The following SBF2 variants were observed in gnomAD, a reference collection of about 807,000 sequenced individuals.
The protein encoded by SBF2 is myotubularin-related protein 13.
In SBF2, 112 loss-of-function variants were observed where a neutral mutation model predicts 225.2. The ratio of observed to expected loss-of-function variants is 0.50; its 90% confidence interval spans 0.43 to 0.58. SBF2 has a LOEUF of 0.58. Ranked by LOEUF, SBF2 falls within the 20% of genes least tolerant of loss-of-function variation. The pLI is 0.00. For synonymous variants in SBF2, 763 were observed against 773.3 expected (o/e 0.99, Z 0.22); for missense variants, 1,996 against 2,206.2 (o/e 0.90, Z 1.91).
intron 16 of SBF2, among the ~76,000 whole-genome samples, chr11:9,907,214 T>C (rs1023199933): frequency 3.9e-5 from 6 of 152,172 alleles, no homozygotes; most frequent in Admixed American, 6.5e-5. Flanking sequence ...CTGACCATTA[T>C]AGAATAATGA....
rs532749955 is a variant in SBF2, at chr11:10,218,303, T to C, written c.56-24316A>G. 2.3e-3 allele frequency among the ~76,000 whole-genome samples: 338 copies of C among 144,246 alleles called. 3 individuals carry two copies. The highest frequency in any genetic ancestry group is 8.5e-3 in the African/African-American group (329 of 38,540). The allele number at this position is 144,246 out of a possible 152,430, so 94.6% of individuals were successfully genotyped here. Reference sequence around the variant, plus strand: ...ACAGACTTATCCACTATCACATGAATAGCACAGGAAAGACCCACCCCCCCC... The same window carrying C: ...ACAGACTTATCCACTATCACATGAACAGCACAGGAAAGACCCACCCCCCCC... On this transcript the variant is annotated intron_variant, in intron 1 of 39. Transcript: ENST00000256190.
chr11:9,874,008 G>A (rs1213975088), intron 17 of SBF2, among the ~76,000 whole-genome samples: 3 of 151,964 alleles, frequency 2.0e-5, no homozygotes, highest in Non-Finnish European at 2.9e-5. Flanking sequence ...GCAGTGAGCC[G>A]AGATTGAGCC....
intron 2 of SBF2, among the ~76,000 whole-genome samples, chr11:10,072,758 G>T (rs1170732453): frequency 1.4e-5 from 2 of 144,450 alleles, no homozygotes; most frequent in Admixed American, 7.1e-5. Flanking sequence ...TGGAGACAGG[G>T]TCTCATTCTG....
chr11:9,809,003 C>CT lies in SBF2; in HGVS notation c.4156-2dup, dbSNP rs1415571709. 6.2e-7 allele frequency: 1 copy of CT among 1,610,576 alleles called. No individual in the cohort carries two copies. The highest frequency in any genetic ancestry group is 1.3e-5 in the African/African-American group (1 of 74,834). On this transcript the variant is annotated splice_acceptor_variant, in intron 30 of 39. Coordinates refer to ENST00000256190, the MANE Select transcript of SBF2 (RefSeq NM_030962.4). LOFTEE classifies it high-confidence loss of function. ...CAGCCAGCTGCATTATCCTGTGAAG[C>CT]TAAGAGACAGGAAGGAGAACACAAT...
chr11:9,904,036 C>G (rs961764680), intron 16 of SBF2, among the ~76,000 whole-genome samples: 3 of 152,092 alleles, frequency 2.0e-5, no homozygotes, highest in African/African-American at 7.2e-5. Context: ...CCAACTATCA[C>G]CTGACATTCC....
chr11:10,212,001 A>G (rs746071509), intron 1 of SBF2, among the ~76,000 whole-genome samples: 1 of 152,232 alleles, frequency 6.6e-6, no homozygotes, highest in Non-Finnish European at 1.5e-5. Flanking sequence ...CTGCATAGGT[A>G]AAACCAGAGT....
At chr11:9,821,401 C>T (rs1175392361) in intron 28 of SBF2, among the ~76,000 whole-genome samples, 1 of 152,128 alleles carries the variant, frequency 6.6e-6, no homozygotes, top group Non-Finnish European at 1.5e-5. Flanking sequence ...TGAAAAACTG[C>T]CAAGTTTTGG....
chr11:10,131,835 T>C (rs1424590998), intron 2 of SBF2, among the ~76,000 whole-genome samples: 1 of 152,226 alleles, frequency 6.6e-6, no homozygotes, highest in Non-Finnish European at 1.5e-5. Flanking sequence ...TTACAGGGTA[T>C]TTAGCACAGC....
intron 2 of SBF2, among the ~76,000 whole-genome samples, chr11:10,072,682 A>G (rs1590891300): frequency 6.6e-6 from 1 of 150,728 alleles, no homozygotes; most frequent in East Asian, 1.9e-4. Flanking sequence ...TAATGGCTGC[A>G]TTACTATGTT....
At chr11:9,909,428 T>G (rs888869978) in intron 16 of SBF2, among the ~76,000 whole-genome samples, 2 of 151,958 alleles carry the variant, frequency 1.3e-5, no homozygotes, top group African/African-American at 4.8e-5. Context: ...TCCCAGCACT[T>G]TGGGAGGCCG....
At chr11:9,969,671 C>T (rs190882508) in intron 13 of SBF2, among the ~76,000 whole-genome samples, 10 of 152,312 alleles carry the variant, frequency 6.6e-5, no homozygotes, top group Admixed American at 6.5e-4. Context: ...CCACCTTTCC[C>T]AATCACCTTA....
intron 13 of SBF2, among the ~76,000 whole-genome samples, chr11:9,979,342 A>G (rs1946841058): frequency 6.6e-6 from 1 of 152,292 alleles, no homozygotes; most frequent in South Asian, 2.1e-4. Flanking sequence ...TGCATCATCA[A>G]CTGAGCATGG....
Position 9,816,842 on chromosome 11 carries a change from T to G in SBF2, c.3976A>C (p.Arg1326=), listed in dbSNP as rs928249984. 1 of 1,613,950 alleles carries G rather than the reference T, an allele frequency of 6.2e-7. No homozygotes were observed. The highest frequency in any genetic ancestry group is 8.5e-7 in the Non-Finnish European group (1 of 1,179,958). The change falls in exon 29 of 40, where the codon AGG becomes CGG. Residue 1326 remains arginine, a splice_region_variant and synonymous_variant. Transcript: ENST00000256190. ...LYIFGEKSQL[R]NFKVEFALNC... ...AAGTGAGAAAAAAGAAATCTTACCCTTAGTTGCGACTTTTCACCAAATATG... is the reference window on the plus strand; with the variant it reads ...AAGTGAGAAAAAAGAAATCTTACCCGTAGTTGCGACTTTTCACCAAATATG...
At chr11:9,819,762 C>T (rs945262909) in intron 28 of SBF2, among the ~76,000 whole-genome samples, 1 of 152,192 alleles carries the variant, frequency 6.6e-6, no homozygotes, top group Non-Finnish European at 1.5e-5. Flanking sequence ...TGAGCAAGGT[C>T]ATCACACCAG....
chr11:9,830,115 G>T (rs183505249), intron 27 of SBF2, among the ~76,000 whole-genome samples: 13 of 152,336 alleles, frequency 8.5e-5, no homozygotes, highest in Admixed American at 2.0e-4. Context: ...ATACACAATT[G>T]TGAGAGCAAT....
At chr11:10,047,102 C>T (rs910738191) in intron 2 of SBF2, among the ~76,000 whole-genome samples, 4 of 152,072 alleles carry the variant, frequency 2.6e-5, no homozygotes, top group Non-Finnish European at 5.9e-5. Flanking sequence ...AAAACTATAA[C>T]ACTCTGATGA....
At chr11:10,285,219 A>C (rs1488467372) in intron 1 of SBF2, among the ~76,000 whole-genome samples, 2 of 151,634 alleles carry the variant, frequency 1.3e-5, no homozygotes, top group African/African-American at 4.8e-5. Context: ...CTGAGGTGGG[A>C]AGATGAACTG....
intron 17 of SBF2, among the ~76,000 whole-genome samples, chr11:9,862,392 C>A (rs1372100621): frequency 6.6e-6 from 1 of 152,140 alleles, no homozygotes; most frequent in Admixed American, 6.5e-5. Context: ...ACTTTGCAGT[C>A]AGCTTGGGCT....
At chr11:10,271,911 G>A in intron 1 of SBF2, 1 of 418,884 alleles carries the variant, frequency 2.4e-6, no homozygotes, top group Non-Finnish European at 4.3e-6. Context: ...ATGAATATCT[G>A]TGATTTTGGC....
Sources: gnomAD v4.1 joint callset for allele counts (sites outside exome capture counted in the v4.1 genomes callset) on GRCh38, gnomAD v4.1.1 for gene constraint, MANE v1.5 for transcripts, NCBI Gene and HGNC (gene_info 2026-07-23, HGNC 2026-07-21) for gene names.